Variants in SEMA5A observed in about 807,000 individuals in gnomAD.
The protein encoded by SEMA5A is semaphorin-5A.
A neutral mutation model predicts 135.5 loss-of-function variants in SEMA5A; 55 were observed. The observed-to-expected ratio is 0.41, with a 90% confidence interval of 0.33 to 0.51. SEMA5A has a LOEUF of 0.51. Ranked by LOEUF, SEMA5A falls within the 20% of genes least tolerant of loss-of-function variation. The pLI is 0.37. For missense variants in SEMA5A, 1,290 were observed against 1,419.9 expected, an observed-to-expected ratio of 0.91 and a Z score of 1.47; for synonymous variants, 580 against 546.5, an observed-to-expected ratio of 1.06 and a Z score of -0.85.
At chr5:9,420,973 G>A (rs1440191137) in intron 2 of SEMA5A, among the ~76,000 whole-genome samples, 1 of 152,180 alleles carries the variant, frequency 6.6e-6, no homozygotes, top group African/African-American at 2.4e-5. Context: ...TCGAGATCGC[G>A]CCACTGCACT....
chr5:9,044,447 G>C lies in SEMA5A; in HGVS notation c.3031C>G (p.Pro1011Ala), dbSNP rs762625455. The C allele has an allele frequency of 6.2e-7, 1 of 1,613,958 alleles. No individual in the cohort carries two copies. The highest frequency in any genetic ancestry group is 1.1e-5 in the South Asian group (1 of 91,040). Residue 1011 changes from proline to alanine, a missense_variant, in exon 22 of 23, where the codon CCT (proline) becomes GCT (alanine). Pro to Ala is a conservative substitution (Grantham distance 27, BLOSUM62 -1). Around this residue, in one of 3 missense-constraint regions of SEMA5A, gnomAD observed 1,029 missense variants for 1,086.6 expected, o/e 0.95. Transcript: ENST00000382496. ...HDATVIHPVS[P>A]APLNTSITNH... Reference sequence around the variant, plus strand: ...GTTATGCTGGTATTAAGGGGGGCAGGTGAGACGGGGTGGATGACAGTCGCA... The same window carrying C: ...GTTATGCTGGTATTAAGGGGGGCAGCTGAGACGGGGTGGATGACAGTCGCA...
rs1738349877 is a variant in SEMA5A, at chr5:9,545,617, C to CTG, written c.-209_-208insCA. On this transcript the variant is annotated 5_prime_UTR_variant, in exon 1 of 23. Coordinates refer to ENST00000382496, the MANE Select transcript of SEMA5A (RefSeq NM_003966.3). This position sits in a 1 kb window ranked among gnomAD's most constrained non-coding sequence, Gnocchi z 4.5. ...AGGAGCGCTGGTGCCAGTCATCCAGCGCCTGGGGGCCAGAGCGGCTCCGAG... is the reference window on the plus strand; with the variant it reads ...AGGAGCGCTGGTGCCAGTCATCCAGCTGGCCTGGGGGCCAGAGCGGCTCCGAG... 1 of 152,250 alleles carries CTG rather than the reference C, an allele frequency of 6.6e-6. No homozygotes were observed. The highest frequency in any genetic ancestry group is 1.5e-5 in the Non-Finnish European group (1 of 68,114). 9.4% of individuals were successfully genotyped at this position (152,250 alleles called of 1,614,324 possible).
At chr5:9,371,117 CAA>C (rs1755118062) in intron 3 of SEMA5A, among the ~76,000 whole-genome samples, 2 of 152,054 alleles carry the variant, frequency 1.3e-5, no homozygotes, top group African/African-American at 2.4e-5. Flanking sequence ...GCAATCCACT[CAA>C]AGACTTAAAA....
chr5:9,300,367 C>G (rs1751558813), intron 5 of SEMA5A, among the ~76,000 whole-genome samples: 1 of 152,150 alleles, frequency 6.6e-6, no homozygotes, highest in Admixed American at 6.5e-5. Flanking sequence ...GGGTGCTGAA[C>G]AGGATAGTCC....
At chr5:9,363,252 T>C (rs1455418348) in intron 3 of SEMA5A, 1 of 152,192 alleles carries the variant, frequency 6.6e-6, no homozygotes, top group Non-Finnish European at 1.5e-5. Context: ...AGCGCTGATA[T>C]AATCTTTTCT....
chr5:9,078,596 C>G (rs1247738361), intron 16 of SEMA5A, among the ~76,000 whole-genome samples: 4 of 141,122 alleles, frequency 2.8e-5, no homozygotes, highest in African/African-American at 1.1e-4. Context: ...TACACACACA[C>G]ACACACACAC....
At chr5:9,410,685 A>C (rs186455426) in intron 2 of SEMA5A, among the ~76,000 whole-genome samples, 8 of 152,248 alleles carry the variant, frequency 5.3e-5, no homozygotes, top group Non-Finnish European at 8.8e-5. Context: ...CAGAGAGGCG[A>C]GCATCACACA....
At chr5:9,202,369 T>TTTTTAATGATGC in intron 8 of SEMA5A, 129 bp from the exon 9 acceptor site, 12 of 878,958 alleles carry the variant, frequency 1.4e-5, no homozygotes, top group South Asian at 7.1e-5. Flanking sequence ...ATAGGACTAT[T>TTTTTAATGATGC]GGGAGGCCCC....
In SEMA5A at chr5:9,193,622, G is replaced by A. The variant is rs144141425; in HGVS notation, c.1069-3151C>T. Among the ~76,000 whole-genome samples the A allele has an allele frequency of 6.0e-4, 92 of 152,230 alleles. 2 individuals are homozygous for A. In the East Asian group the frequency reaches 0.016, roughly 26 times the overall value. On this transcript the variant is annotated intron_variant, in intron 10 of 22. Transcript: ENST00000382496. Reference sequence around the variant, plus strand: ...TTGCTGCAAACATGCTTGGCAGGCCGGGGGCGGTGGCTCACATCTGTAATC... The same window carrying A: ...TTGCTGCAAACATGCTTGGCAGGCCAGGGGCGGTGGCTCACATCTGTAATC...
chr5:9,541,329 A>G (rs1167823223), intron 1 of SEMA5A, among the ~76,000 whole-genome samples: 1 of 152,226 alleles, frequency 6.6e-6, no homozygotes, highest in African/African-American at 2.4e-5. Context: ...ATAAAATAAC[A>G]TTTTTCCAGT....
At chr5:9,328,832 T>C (rs1752990542) in intron 4 of SEMA5A, among the ~76,000 whole-genome samples, 1 of 148,266 alleles carries the variant, frequency 6.7e-6, no homozygotes, top group Admixed American at 6.7e-5. Context: ...TTCAGAGGAC[T>C]TGAGGACAGG....
At chr5:9,300,275 G>A (rs749412213) in intron 5 of SEMA5A, among the ~76,000 whole-genome samples, 5 of 152,136 alleles carry the variant, frequency 3.3e-5, no homozygotes, top group Non-Finnish European at 5.9e-5. Context: ...TGATCCACCC[G>A]TCTTAGCCTC....
Position 9,274,721 on chromosome 5 carries a change from C to G in SEMA5A, c.271-36831G>C, listed in dbSNP as rs547390495. The stretch of plus-strand genomic sequence containing the variant: ...TACATGGAAAGTGAACAACCTGCTC[C>G]TGAATGACCACTGGGTAAATAACGA... On this transcript the variant is annotated intron_variant, in intron 5 of 22. Transcript: ENST00000382496. Among the ~76,000 whole-genome samples, 38 of 152,298 alleles carry G rather than the reference C, an allele frequency of 2.5e-4. 1 individual carries two copies. In the East Asian group the frequency reaches 7.1e-3, roughly 29 times the overall value.
chr5:9,072,155 G>C (rs541643706), intron 16 of SEMA5A, among the ~76,000 whole-genome samples: 173 of 152,268 alleles, frequency 1.1e-3, no homozygotes, highest in African/African-American at 3.8e-3. Context: ...ATTAAATAAT[G>C]GTTCTTAAAG....
chr5:9,519,199 G>C (rs1385821755), intron 1 of SEMA5A, among the ~76,000 whole-genome samples: 1 of 152,168 alleles, frequency 6.6e-6, no homozygotes, highest in Non-Finnish European at 1.5e-5. Flanking sequence ...ATCATTTGCA[G>C]AGCCATCCTG....
At chr5:9,446,705 A>T (rs976022109) in intron 1 of SEMA5A, among the ~76,000 whole-genome samples, 2 of 152,226 alleles carry the variant, frequency 1.3e-5, no homozygotes, top group African/African-American at 4.8e-5. Flanking sequence ...AACAAGACTT[A>T]TTCTGTAAGC....
At chr5:9,052,750 A>G (rs1736658556) in intron 19 of SEMA5A, among the ~76,000 whole-genome samples, 1 of 152,044 alleles carries the variant, frequency 6.6e-6, no homozygotes, top group African/African-American at 2.4e-5. Flanking sequence ...TGTGAAATTC[A>G]CCCAGGCATA....
At chr5:9,280,764 C>T (rs954349005) in intron 5 of SEMA5A, 6 of 412,162 alleles carry the variant, frequency 1.5e-5, no homozygotes, top group African/African-American at 4.1e-5. Flanking sequence ...AAGATGAGAA[C>T]ATCACTGACA....
chr5:9,330,789 G>A (rs562472874), intron 4 of SEMA5A, among the ~76,000 whole-genome samples: 1 of 152,186 alleles, frequency 6.6e-6, no homozygotes, highest in African/African-American at 2.4e-5. Flanking sequence ...CCTGTGCATA[G>A]GGGCCAGCCC....
Sources: gnomAD v4.1 joint callset for allele counts (sites outside exome capture counted in the v4.1 genomes callset) on GRCh38, gnomAD v4.1.1 for gene constraint, gnomAD v4.1.1 regional missense constraint, Gnocchi (gnomAD v3.1) non-coding constraint, MANE v1.5 for transcripts, NCBI Gene and HGNC (gene_info 2026-07-23, HGNC 2026-07-21) for gene names.